Variants in HPF1 observed in about 807,000 individuals in gnomAD.
HPF1 encodes UPF0609 protein C4orf27.
In HPF1, 35 loss-of-function variants were observed where a neutral mutation model predicts 38.8. That is an observed-to-expected ratio of 0.90 (90% CI 0.69 to 1.19). The LOEUF (loss-of-function observed/expected upper bound fraction) is 1.19. Ranked by LOEUF, HPF1 falls within the 50% of genes most tolerant of loss-of-function variation. The pLI, the probability that HPF1 is intolerant of heterozygous loss-of-function variation, is 0.00. For synonymous variants in HPF1, 115 were observed against 139.2 expected (o/e 0.83, Z 1.22); for missense variants, 367 against 405.8 (o/e 0.90, Z 0.82).
intron 6 of HPF1, among the ~76,000 whole-genome samples, chr4:169,737,289 C>A (rs1259211653): frequency 0.014 from 1,462 of 108,204 alleles, no homozygotes; most frequent in Non-Finnish European, 0.016. Context: ...CACTCCGTCT[C>A]AAAAAAAAAA....
In HPF1 at chr4:169,756,597, A is replaced by T. The variant is rs140998564; in HGVS notation, c.48+1233T>A. ...TAACCTCTCTGTGCTTTGTTTTCTC[A>T]TCTGCAAAAAGGGCATACAGTGCCT... On this transcript the variant is annotated intron_variant, in intron 1 of 7. Transcript: ENST00000393381. Among the ~76,000 whole-genome samples the T allele has an allele frequency of 3.1e-3, 474 of 152,328 alleles. 5 individuals carry two copies. Among genetic ancestry groups the T allele is most frequent in the Middle Eastern group, 0.017 (5 of 294 alleles).
chr4:169,730,775 T>C (rs960038973), intron 7 of HPF1, among the ~76,000 whole-genome samples: 6 of 152,210 alleles, frequency 3.9e-5, no homozygotes, highest in Admixed American at 6.5e-5. Context: ...ATGACAGATA[T>C]GCAGTCTCAG....
intron 6 of HPF1, among the ~76,000 whole-genome samples, chr4:169,732,927 G>T (rs1208431613): frequency 6.6e-6 from 1 of 152,176 alleles, no homozygotes; most frequent in Non-Finnish European, 1.5e-5. Flanking sequence ...CAACTTATTT[G>T]AGGGACTTGA....
intron 3 of HPF1, among the ~76,000 whole-genome samples, chr4:169,750,139 C>T (rs191449052): frequency 5.3e-5 from 8 of 152,242 alleles, no homozygotes; most frequent in Admixed American, 4.6e-4. Context: ...AACCGAGTCA[C>T]AGAAAGTCAC....
intron 2 of HPF1, among the ~76,000 whole-genome samples, chr4:169,753,355 C>T (rs573999723): frequency 1.9e-4 from 29 of 152,266 alleles, no homozygotes; most frequent in African/African-American, 5.8e-4. Context: ...GTTTTAGAGA[C>T]GGGGTCTTGC....
intron 6 of HPF1, among the ~76,000 whole-genome samples, chr4:169,734,535 G>A (rs1400773333): frequency 6.6e-6 from 1 of 152,142 alleles, no homozygotes; most frequent in African/African-American, 2.4e-5. Flanking sequence ...CTCACCATCA[G>A]TACAAGGAAA....
At position 169,742,015 on chromosome 4, in the gene HPF1, C is replaced by T; in HGVS notation, c.590G>A (p.Arg197Lys). ...CTGTTCAAGCGAGTACCCCAATTCT[C>T]TGGCTGCTTCTGTGAGTTTTTCATC... ...NIDEKLTEAA[R>K]ELGYSLEQRT... The change falls in exon 5 of 8, where the codon AGA (arginine) becomes AAA (lysine). Residue 197 changes from arginine (R) to lysine (K), a missense_variant. By Grantham distance (26) the Arg-to-Lys change is conservative. Transcript: ENST00000393381. 1 of 1,613,172 alleles carries T rather than the reference C, an allele frequency of 6.2e-7. No homozygotes were observed. Among genetic ancestry groups the T allele is most frequent in the South Asian group, 1.1e-5 (1 of 91,058 alleles).
chr4:169,757,815 C>G lies in HPF1; in HGVS notation c.48+15G>C. On this transcript the variant is annotated intron_variant, in intron 1 of 7. Transcript: ENST00000393381. The stretch of plus-strand genomic sequence containing the variant: ...AAAGCGCCCCGCGTAGCCCGCACAG[C>G]CTTTCCGGCAGTACCTGCGGCCCCT... 6.4e-7 allele frequency: 1 copy of G among 1,560,272 alleles called. No homozygotes were observed.
At chr4:169,757,600 G>A (rs1340893804) in intron 1 of HPF1, among the ~76,000 whole-genome samples, 2 of 152,206 alleles carry the variant, frequency 1.3e-5, no homozygotes, top group Non-Finnish European at 2.9e-5. Context: ...CGTTTCCCCA[G>A]GAAATGCTCC....
At chr4:169,743,907 A>G (rs1244942863) in intron 4 of HPF1, among the ~76,000 whole-genome samples, 2 of 152,090 alleles carry the variant, frequency 1.3e-5, no homozygotes, top group African/African-American at 4.8e-5. Context: ...AGGATAGTCA[A>G]CTTACCCAAG....
chr4:169,743,411 T>A, intron 4 of HPF1, among the ~76,000 whole-genome samples: 1 of 11,332 alleles, frequency 8.8e-5, no homozygotes, highest in Non-Finnish European at 4.0e-4. Flanking sequence ...CCCCTGGCCT[T>A]TTTTTTTTTT....
At chr4:169,738,315 T>C (rs1456670601) in intron 5 of HPF1, among the ~76,000 whole-genome samples, 1 of 152,212 alleles carries the variant, frequency 6.6e-6, no homozygotes, top group Non-Finnish European at 1.5e-5. Flanking sequence ...AGTGAGCTTT[T>C]ATTAAGTGGT....
intron 5 of HPF1, among the ~76,000 whole-genome samples, chr4:169,738,824 T>C (rs1347220181): frequency 1.3e-5 from 2 of 152,082 alleles, no homozygotes; most frequent in Non-Finnish European, 2.9e-5. Context: ...AAAGGATGAG[T>C]TCATGTCCTT....
At chr4:169,734,550 T>C (rs149958685) in intron 6 of HPF1, among the ~76,000 whole-genome samples, 98 of 152,324 alleles carry the variant, frequency 6.4e-4, no homozygotes, top group African/African-American at 2.2e-3. Context: ...AGGAAAAATA[T>C]GTTCTTCCAG....
chr4:169,753,943 C>T (rs1196285249), intron 1 of HPF1, 108 bp from the exon 2 acceptor site: 11 of 833,798 alleles, frequency 1.3e-5, no homozygotes, highest in Non-Finnish European at 2.0e-5. Flanking sequence ...ATGTGTTTTC[C>T]TTAAAACTCT....
chr4:169,738,032 T>A (rs976557815), intron 5 of HPF1, among the ~76,000 whole-genome samples: 2 of 152,140 alleles, frequency 1.3e-5, no homozygotes, highest in African/African-American at 4.8e-5. Context: ...AAGAACCCAA[T>A]ACATCCTAGA....
intron 6 of HPF1, among the ~76,000 whole-genome samples, chr4:169,732,903 T>C (rs1329707154): frequency 6.6e-6 from 1 of 152,364 alleles, no homozygotes; most frequent in East Asian, 1.9e-4. Flanking sequence ...GCGTAAGTTA[T>C]GCAAATTCTA....
In HPF1 at chr4:169,729,715, A is replaced by T; in HGVS notation, c.910-6T>A. ...CCAGCAACTTTATGAAAATACTGAA[A>T]AATAAAAATATAACATTAAGCAGAG... On this transcript the variant is annotated splice_polypyrimidine_tract_variant and splice_region_variant and intron_variant, in intron 7 of 7. Coordinates refer to ENST00000393381, the MANE Select transcript of HPF1 (RefSeq NM_017867.3). 6.7e-7 allele frequency: 1 copy of T among 1,488,728 alleles called. No individual in the cohort carries two copies. Among genetic ancestry groups the T allele is most frequent in the Non-Finnish European group, 9.0e-7 (1 of 1,115,938 alleles). The allele number at this position is 1,488,728 out of a possible 1,614,324, so 92.2% of individuals were successfully genotyped here.
chr4:169,731,383 C>T (rs1336527084), intron 7 of HPF1, among the ~76,000 whole-genome samples: 5 of 152,126 alleles, frequency 3.3e-5, no homozygotes, highest in African/African-American at 7.2e-5. Context: ...CGTACACACA[C>T]GGCAAGAAGG....
Sources: gnomAD v4.1 joint callset for allele counts (sites outside exome capture counted in the v4.1 genomes callset) on GRCh38, gnomAD v4.1.1 for gene constraint, MANE v1.5 for transcripts, NCBI Gene and HGNC (gene_info 2026-07-23, HGNC 2026-07-21) for gene names.